The following OSBPL1A variants were observed in gnomAD, a reference collection of about 807,000 sequenced individuals.
OSBPL1A encodes the protein oxysterol-binding protein-related protein 1.
OSBPL1A carries 80 observed loss-of-function variants against 137.1 expected under a neutral mutation model. The ratio of observed to expected loss-of-function variants is 0.58; its 90% CI spans 0.49 to 0.70. The LOEUF (loss-of-function observed/expected upper bound fraction) is 0.70, where lower values mean the gene tolerates loss of function less well. Among genes scored for constraint, OSBPL1A ranks in the 30% least tolerant of loss-of-function variants. OSBPL1A has a pLI of 0.00. For synonymous variants in OSBPL1A, 365 were observed against 389.7 expected (o/e 0.94, Z 0.75); for missense variants, 970 against 1,129.4 (o/e 0.86, Z 2.02).
In OSBPL1A at chr18:24,163,272, A is replaced by T. The variant is rs2086061260; in HGVS notation, c.2760T>A (p.His920Gln). 1 of 1,606,610 alleles carries T rather than the reference A, an allele frequency of 6.2e-7. No individual in the cohort carries two copies. Among genetic ancestry groups the T allele is most frequent in the Non-Finnish European group, 8.5e-7 (1 of 1,176,738 alleles). Residue 920 changes from histidine to glutamine, a missense_variant, in exon 28 of 28, where the codon CAT becomes CAA. Coordinates refer to ENST00000319481, the MANE Select transcript of OSBPL1A (RefSeq NM_080597.4). ...CTCCATTGTAGGGATTAGGACCTTG[A>T]TGGAACCACCTGTTAAAAGAAAAAG... ...SEEDWKTRWFHQGPNPYNGAQ... is the reference protein window; with the variant it reads ...SEEDWKTRWFQQGPNPYNGAQ...
At chr18:24,287,696 C>G (rs2090091411) in intron 14 of OSBPL1A, among the ~76,000 whole-genome samples, 1 of 151,824 alleles carries the variant, frequency 6.6e-6, no homozygotes, top group South Asian at 2.1e-4. Context: ...TCGCTTGAAC[C>G]AGGAGGCAGA....
rs530451645 is a variant in OSBPL1A, at chr18:24,177,928, G to T, written c.2093+85C>A. ...AGCTGTTTCTTTTTCTCCAGCTTTT[G>T]AACAGTAAGGTCAGCTGAGTGTGCA... On this transcript the variant is annotated intron_variant, in intron 21 of 27. Transcript: ENST00000319481. 4 of 1,316,230 alleles carry T rather than the reference G, an allele frequency of 3.0e-6. No homozygotes were observed. The African/African-American group carries it at 4.4e-5, about 15-fold the overall frequency. The allele number at this position is 1,316,230 out of a possible 1,614,324, so 81.5% of individuals were successfully genotyped here. A position where few individuals can be genotyped will look rare whatever the true frequency, so the allele number is the denominator to read the frequency against.
chr18:24,295,500 T>C (rs1425054059), intron 14 of OSBPL1A, among the ~76,000 whole-genome samples: 1 of 152,016 alleles, frequency 6.6e-6, no homozygotes, highest in Non-Finnish European at 1.5e-5. Context: ...TCCAGAAGAG[T>C]TTTTCCAATA....
At chr18:24,182,090 TG>T (rs1235754628) in intron 18 of OSBPL1A, among the ~76,000 whole-genome samples, 1 of 152,116 alleles carries the variant, frequency 6.6e-6, no homozygotes, top group Non-Finnish European at 1.5e-5. Flanking sequence ...TGAAATGAAA[TG>T]AAATGATATG....
At chr18:24,226,480 T>G (rs558386470) in intron 16 of OSBPL1A, among the ~76,000 whole-genome samples, 1 of 152,310 alleles carries the variant, frequency 6.6e-6, no homozygotes, top group African/African-American at 2.4e-5. Context: ...GACAAGCCAT[T>G]CCCTCATCCT....
chr18:24,290,463 C>T (rs1485988375), intron 14 of OSBPL1A, among the ~76,000 whole-genome samples: 1 of 152,052 alleles, frequency 6.6e-6, no homozygotes, highest in Non-Finnish European at 1.5e-5. Context: ...GGTGGATTGC[C>T]TGAGCTCAGG....
intron 15 of OSBPL1A, among the ~76,000 whole-genome samples, chr18:24,241,074 T>A (rs529648128): frequency 2.6e-5 from 4 of 152,238 alleles, no homozygotes; most frequent in African/African-American, 9.6e-5. Context: ...GCTAGCCATA[T>A]GCAGAAAACT....
intron 4 of OSBPL1A, among the ~76,000 whole-genome samples, chr18:24,355,000 C>T (rs562319460): frequency 1.0e-3 from 154 of 152,186 alleles, no homozygotes; most frequent in Non-Finnish European, 1.8e-3. Flanking sequence ...AATCACTTTC[C>T]CCACACCACC....
chr18:24,207,135 G>A (rs1479371419), intron 17 of OSBPL1A, among the ~76,000 whole-genome samples: 1 of 152,188 alleles, frequency 6.6e-6, no homozygotes, highest in Non-Finnish European at 1.5e-5. Context: ...CCAGGCTGGA[G>A]TGCAGCGGTG....
intron 4 of OSBPL1A, among the ~76,000 whole-genome samples, chr18:24,352,227 G>A (rs959648623): frequency 1.6e-4 from 25 of 152,044 alleles, no homozygotes; most frequent in African/African-American, 4.3e-4. Flanking sequence ...GCTTGAGCCC[G>A]GGAGATTGAG....
intron 14 of OSBPL1A, among the ~76,000 whole-genome samples, chr18:24,290,703 A>C (rs1163360919): frequency 6.6e-6 from 1 of 152,114 alleles, no homozygotes; most frequent in African/African-American, 2.4e-5. Flanking sequence ...ATAAATAATA[A>C]ATAAATAAAA....
intron 4 of OSBPL1A, among the ~76,000 whole-genome samples, chr18:24,363,328 C>A (rs1216656264): frequency 6.6e-6 from 1 of 152,150 alleles, no homozygotes; most frequent in Non-Finnish European, 1.5e-5. Flanking sequence ...GACTGTCCAC[C>A]TTCCTTGGCT....
At chr18:24,218,076 C>T (rs1371695614) in intron 17 of OSBPL1A, among the ~76,000 whole-genome samples, 1 of 152,008 alleles carries the variant, frequency 6.6e-6, no homozygotes, top group Non-Finnish European at 1.5e-5. Context: ...ACATAGAAAC[C>T]AAAGGCAGTA....
intron 14 of OSBPL1A, among the ~76,000 whole-genome samples, chr18:24,287,397 G>A (rs2090083987): frequency 1.3e-5 from 2 of 152,246 alleles, no homozygotes; most frequent in South Asian, 2.1e-4. Flanking sequence ...ATAAGGTGCA[G>A]AACTGGATGA....
intron 7 of OSBPL1A, among the ~76,000 whole-genome samples, chr18:24,324,591 T>C (rs1599668381): frequency 9.3e-5 from 1 of 10,752 alleles, no homozygotes; most frequent in South Asian, 1.4e-3. Context: ...AATAAAAACA[T>C]GAATATGAAT....
rs577999179 is a variant in OSBPL1A at position 24,286,082 on chromosome 18, A to G, written c.1175-5134T>C. Among the ~76,000 whole-genome samples, 9 of 152,248 alleles carry G rather than the reference A, an allele frequency of 5.9e-5. No individual in the cohort carries two copies. In the East Asian group the frequency reaches 1.7e-3, roughly 29 times the overall value. ...TGAGGCAAGAGAATCACTTGAACCC[A>G]GGAGGCAGAGGCTGCAGTGAGCCAA... On this transcript the variant is annotated intron_variant, in intron 14 of 27. Coordinates refer to ENST00000319481, the MANE Select transcript of OSBPL1A (RefSeq NM_080597.4).
At chr18:24,313,171 G>A (rs1358031258) in intron 12 of OSBPL1A, among the ~76,000 whole-genome samples, 2 of 151,812 alleles carry the variant, frequency 1.3e-5, no homozygotes, top group African/African-American at 2.4e-5. Context: ...GGCCGGGCGC[G>A]GTGGCTCATG....
In OSBPL1A at chr18:24,162,868, T is replaced by C. The variant is rs2086052014; in HGVS notation, c.*311A>G. The C allele has an allele frequency of 9.6e-6, 2 of 207,310 alleles. No individual in the cohort carries two copies. Among genetic ancestry groups the C allele is most frequent in the Non-Finnish European group, 1.9e-5 (2 of 103,454 alleles). The allele number at this position is 207,310 out of a possible 1,614,324, so 12.8% of individuals were successfully genotyped here. ...AGTTCCATAAAGCTAAAGTTACATT[T>C]AGGTATAAACCTTCAGTAAATATGG... is the stretch of plus-strand genomic sequence containing the variant. On this transcript the variant is annotated 3_prime_UTR_variant, in exon 28 of 28. Coordinates refer to ENST00000319481, the MANE Select transcript of OSBPL1A (RefSeq NM_080597.4).
Position 24,271,402 on chromosome 18 carries a change from G to T in OSBPL1A, c.1281+9440C>A. On this transcript the variant is annotated intron_variant, in intron 15 of 27. Transcript: ENST00000319481. The surrounding 1 kb of genome is among the most constrained non-coding windows in gnomAD (Gnocchi z 4.0). ...CTCTTCCTGCAGGAACCCCACGGCAGGGAGACCCGCACTGGGAAGAGAGCA... is the reference window on the plus strand; with the variant it reads ...CTCTTCCTGCAGGAACCCCACGGCATGGAGACCCGCACTGGGAAGAGAGCA... 1 of 261,500 alleles carries T rather than the reference G, an allele frequency of 3.8e-6. No individual in the cohort carries two copies. Among genetic ancestry groups the T allele is most frequent in the Non-Finnish European group, 5.9e-6 (1 of 168,130 alleles). 16.2% of individuals were successfully genotyped at this position (261,500 alleles called of 1,614,324 possible). A position where few individuals can be genotyped will look rare whatever the true frequency, so the allele number is the denominator to read the frequency against.
Sources: allele counts gnomAD v4.1 joint callset (sites outside exome capture counted in the v4.1 genomes callset), GRCh38; gene constraint gnomAD v4.1.1; non-coding constraint Gnocchi (gnomAD v3.1); transcripts MANE v1.5; gene names NCBI Gene and HGNC (gene_info 2026-07-23, HGNC 2026-07-21).